The following TRANK1 variants were observed in gnomAD, a reference collection of about 807,000 sequenced individuals.
The protein encoded by TRANK1 is TPR and ankyrin repeat-containing protein 1.
In TRANK1, 198 loss-of-function variants were observed where a neutral mutation model predicts 266.0. That is an observed-to-expected ratio of 0.74 (90% CI 0.66 to 0.84). The LOEUF (loss-of-function observed/expected upper bound fraction) is 0.84. Ranked by LOEUF, TRANK1 falls within the 40% of genes least tolerant of loss-of-function variation. The pLI is 0.00. For synonymous variants in TRANK1, 1,396 were observed against 1,384.1 expected, an observed-to-expected ratio of 1.01 and a Z score of -0.19; for missense variants, 3,326 against 3,634.6, an observed-to-expected ratio of 0.92 and a Z score of 2.18.
At chr3:36,886,709 G>A (rs956049362) in intron 8 of TRANK1, among the ~76,000 whole-genome samples, 1 of 151,732 alleles carries the variant, frequency 6.6e-6, no homozygotes, top group East Asian at 2.0e-4. Context: ...TCAGGAGATC[G>A]AGACCATCCT....
At chr3:36,846,040 T>C (rs1395645223) in intron 17 of TRANK1, among the ~76,000 whole-genome samples, 1 of 152,230 alleles carries the variant, frequency 6.6e-6, no homozygotes, top group East Asian at 1.9e-4. Context: ...ATAAAAGATC[T>C]TCCCTGAAGG....
rs2079073677 is a variant in TRANK1 at position 36,857,445 on chromosome 3, A to G, written c.2277T>C (p.Pro759=). 6.2e-7 allele frequency: 1 copy of G among 1,613,796 alleles called. No homozygotes were observed. Among genetic ancestry groups the G allele is most frequent in the African/African-American group, 1.3e-5 (1 of 74,908 alleles). ...FPEDCLQSSE[P]LEAGAGKEGK... is the part of the protein sequence containing the mutation. ...CTTCTTTGCCAGCTCCTGCCTCCAG[A>G]GGCTCAGAGCTCTGAAGACAGTCCT... Residue 759 remains proline, a synonymous_variant, in exon 13 of 24, where the codon CCT becomes CCC. Transcript: ENST00000645898. The surrounding 1 kb of genome is among the most constrained non-coding windows in gnomAD (Gnocchi z 4.3).
chr3:36,916,401 T>C (rs2080124835), intron 1 of TRANK1, among the ~76,000 whole-genome samples: 1 of 152,094 alleles, frequency 6.6e-6, no homozygotes, highest in South Asian at 2.1e-4. Flanking sequence ...CCGTCTCTCC[T>C]AAAAAATACA....
intron 10 of TRANK1, among the ~76,000 whole-genome samples, chr3:36,863,426 A>G (rs2079171395): frequency 6.6e-6 from 1 of 152,256 alleles, no homozygotes; most frequent in East Asian, 1.9e-4. Context: ...TTTGTACAGA[A>G]TATCTACATC....
intron 4 of TRANK1, 86 bp from the exon 5 acceptor site, chr3:36,895,844 A>T (rs1350783010): frequency 1.5e-5 from 12 of 788,612 alleles, no homozygotes; most frequent in Non-Finnish European, 2.1e-5. Flanking sequence ...AAGTTCACAC[A>T]TAGACAAATG....
intron 1 of TRANK1, among the ~76,000 whole-genome samples, chr3:36,934,270 A>G (rs879801415): frequency 5.9e-5 from 9 of 152,304 alleles, no homozygotes; most frequent in African/African-American, 1.4e-4. Flanking sequence ...CTACCCTGAG[A>G]AGAAGCCAAT....
At chr3:36,874,093 GC>G in intron 9 of TRANK1, 32 bp downstream of exon 9, 1 of 1,514,388 alleles carries the variant, frequency 6.6e-7, no homozygotes, top group Non-Finnish European at 8.8e-7. Flanking sequence ...CCAGTTTTAT[GC>G]CCCCCAAAAG....
Position 36,856,803 on chromosome 3 carries a change from C to A in TRANK1, c.2919G>T (p.Lys973Asn). The A allele has an allele frequency of 6.2e-7, 1 of 1,614,010 alleles. No individual in the cohort carries two copies. Among genetic ancestry groups the A allele is most frequent in the Non-Finnish European group, 8.5e-7 (1 of 1,179,896 alleles). Residue 973 changes from lysine to asparagine, a missense_variant, in exon 13 of 24, where the codon AAG (lysine) becomes AAT (asparagine). Physicochemically the swap from Lys to Asn is moderately conservative, Grantham distance 94. Transcript: ENST00000645898. ...NRGLSCVLRK[K>N]LKGINKGQVS... ...CTTGGCCTTTATTGATACCTTTCAG[C>A]TTCTTCCGCAGGACACAGGACAAGC...
In TRANK1 at chr3:36,899,220, G is replaced by A. The variant is rs980152224; in HGVS notation, c.322C>T (p.Gln108Ter). 10 of 1,537,178 alleles carry A rather than the reference G, an allele frequency of 6.5e-6. No homozygotes were observed. Among genetic ancestry groups the A allele is most frequent in the Admixed American group, 2.0e-5 (1 of 50,974 alleles). Residue 108 changes from glutamine to a stop codon, truncating the protein, a stop_gained, in exon 4 of 24, where the codon CAG (glutamine) becomes TAG (stop). Transcript: ENST00000645898. LOFTEE classifies it high-confidence loss of function. Reference sequence around the variant, plus strand: ...AACATGCGAGCGGCTTCGTAAGGCTGGTGCAACCTCAGCAAGGAATAACCA... The same window carrying A: ...AACATGCGAGCGGCTTCGTAAGGCTAGTGCAACCTCAGCAAGGAATAACCA... ...RAGYSLLRLH[Q>*]PYEAARMFFE...
In TRANK1 at chr3:36,836,198, A is replaced by G. The variant is rs1037050425; in HGVS notation, c.5518-1291T>C. ...AAAGCGAAGGGACTGTACTTAGTGA[A>G]GTGAAGCATGTGCATACCCTAGGCC... On this transcript the variant is annotated intron_variant, in intron 20 of 23. Transcript: ENST00000645898. Among the ~76,000 whole-genome samples, 3 of 152,250 alleles carry G rather than the reference A, an allele frequency of 2.0e-5. No homozygotes were observed. The East Asian group carries it at 5.8e-4, about 29-fold the overall frequency.
intron 1 of TRANK1, among the ~76,000 whole-genome samples, chr3:36,938,929 C>T (rs1342825054): frequency 6.6e-6 from 1 of 151,190 alleles, no homozygotes. Context: ...CACCAAACTC[C>T]AGCCTGGGCA....
chr3:36,833,063 C>G lies in TRANK1; in HGVS notation c.6520G>C (p.Gly2174Arg), dbSNP rs1039014941. ...VKLALNKHLL[G>R]RLCQITRSLL... ...CTCCGTGTGATCTGACACAGCCTGCCCAAAAGGTGTTTGTTTAGGGCTAAT... is the reference window on the plus strand; with the variant it reads ...CTCCGTGTGATCTGACACAGCCTGCGCAAAAGGTGTTTGTTTAGGGCTAAT... Residue 2174 changes from glycine to arginine, a missense_variant, in exon 22 of 24, where the codon GGC (glycine) becomes CGC (arginine). Gly to Arg is a moderately radical substitution (Grantham distance 125). Transcript: ENST00000645898. The G allele has an allele frequency of 6.2e-7, 1 of 1,612,764 alleles. No individual in the cohort carries two copies. The highest frequency in any genetic ancestry group is 8.5e-7 in the Non-Finnish European group (1 of 1,179,312).
chr3:36,928,924 T>A (rs1186369780), intron 1 of TRANK1, among the ~76,000 whole-genome samples: 1 of 152,046 alleles, frequency 6.6e-6, no homozygotes, highest in Admixed American at 6.5e-5. Context: ...TTATAAAAAA[T>A]AAAATGTTTA....
intron 4 of TRANK1, 113 bp from the exon 5 acceptor site, chr3:36,895,871 C>A: frequency 1.6e-6 from 1 of 637,728 alleles, no homozygotes; most frequent in Admixed American, 3.5e-5. Flanking sequence ...TAAAGATACC[C>A]TAAAGAAAGG....
At chr3:36,879,643 C>CAA (rs2079451080) in intron 8 of TRANK1, among the ~76,000 whole-genome samples, 1 of 49,500 alleles carries the variant, frequency 2.0e-5, no homozygotes, top group African/African-American at 1.3e-4. Context: ...TATAAATATA[C>CAA]AAATATATAT....
intron 20 of TRANK1, 58 bp from the exon 21 acceptor site, chr3:36,834,965 TA>T (rs1253362540): frequency 2.1e-6 from 3 of 1,450,284 alleles, no homozygotes; most frequent in Non-Finnish European, 2.8e-6. Flanking sequence ...TTTCTAATCT[TA>T]AACCAATACC....
intron 18 of TRANK1, 99 bp downstream of exon 18, chr3:36,842,523 C>T: frequency 9.5e-7 from 1 of 1,057,794 alleles, no homozygotes; most frequent in Non-Finnish European, 1.4e-6. Flanking sequence ...CACCATTACG[C>T]TCATCCTTTC....
intron 1 of TRANK1, among the ~76,000 whole-genome samples, chr3:36,928,177 A>G (rs1390800414): frequency 6.6e-6 from 1 of 152,212 alleles, no homozygotes; most frequent in East Asian, 1.9e-4. Context: ...ACTAGAGCAA[A>G]GGCCTGCAAA....
intron 1 of TRANK1, among the ~76,000 whole-genome samples, chr3:36,918,764 C>T (rs570747341): frequency 3.9e-4 from 60 of 152,248 alleles, no homozygotes; most frequent in African/African-American, 1.2e-3. Context: ...ATTTTCCTTA[C>T]GCACACTATG....
Sources: allele counts gnomAD v4.1 joint callset (sites outside exome capture counted in the v4.1 genomes callset), GRCh38; gene constraint gnomAD v4.1.1; non-coding constraint Gnocchi (gnomAD v3.1); transcripts MANE v1.5; gene names NCBI Gene and HGNC (gene_info 2026-07-23, HGNC 2026-07-21).